The following KCNIP3 variants were observed in gnomAD, a reference collection of about 807,000 sequenced individuals.
KCNIP3 encodes potassium voltage-gated channel interacting protein 3.
A neutral mutation model predicts 35.0 loss-of-function variants in KCNIP3; 28 were observed. That is an observed-to-expected ratio of 0.80 (90% confidence interval 0.59 to 1.10). The LOEUF is 1.10. KCNIP3 is among the 50% of genes least tolerant of loss of function. The pLI is 0.00. For missense variants in KCNIP3, 295 were observed against 338.4 expected, an observed-to-expected ratio of 0.87 and a Z score of 1.01; for synonymous variants, 134 against 133.8, an observed-to-expected ratio of 1.00 and a Z score of -0.01.
intron 2 of KCNIP3, among the ~76,000 whole-genome samples, chr2:95,344,022 G>A (rs1271693069): frequency 6.6e-6 from 1 of 151,856 alleles, no homozygotes; most frequent in Non-Finnish European, 1.5e-5. Context: ...ATCACCCCAA[G>A]GACCAGTGAA....
At chr2:95,313,649 G>A (rs1407150201) in intron 2 of KCNIP3, 3 of 152,190 alleles carry the variant, frequency 2.0e-5, no homozygotes, top group Non-Finnish European at 4.4e-5. Context: ...ATGCCCACAA[G>A]GGCTGTGGGA....
chr2:95,338,754 T>C (rs1573499421), intron 2 of KCNIP3, among the ~76,000 whole-genome samples: 1 of 152,310 alleles, frequency 6.6e-6, no homozygotes, highest in Admixed American at 6.5e-5. Flanking sequence ...CAGAAGTCTC[T>C]GTCTGCCACA....
intron 5 of KCNIP3, 73 bp downstream of exon 5, chr2:95,375,281 C>T: frequency 7.5e-7 from 1 of 1,337,276 alleles, no homozygotes; most frequent in Non-Finnish European, 1.1e-6. Context: ...CCTGGCGTCA[C>T]TGTCAGGGCT....
intron 2 of KCNIP3, among the ~76,000 whole-genome samples, chr2:95,335,557 A>T (rs1240013349): frequency 6.6e-6 from 1 of 152,164 alleles, no homozygotes; most frequent in Non-Finnish European, 1.5e-5. Flanking sequence ...GACCATGCAC[A>T]TGTCAGAATC....
chr2:95,372,983 A>G (rs1680074736), intron 2 of KCNIP3, among the ~76,000 whole-genome samples: 1 of 152,182 alleles, frequency 6.6e-6, no homozygotes, highest in Admixed American at 6.6e-5. Flanking sequence ...CAAGCTCAGC[A>G]CAGGACCAGT....
chr2:95,337,302 C>T (rs1268795793), intron 2 of KCNIP3, among the ~76,000 whole-genome samples: 1 of 151,808 alleles, frequency 6.6e-6, no homozygotes, highest in Non-Finnish European at 1.5e-5. Flanking sequence ...CAGTGCCCTC[C>T]TAGAGTTGCT....
intron 6 of KCNIP3, 97 bp downstream of exon 6, chr2:95,381,800 G>A: frequency 1.2e-6 from 1 of 838,414 alleles, no homozygotes; most frequent in East Asian, 2.5e-5. Context: ...CTGCCCACCT[G>A]TCTTCTCCCG....
At chr2:95,310,211 G>A (rs775645277) in intron 1 of KCNIP3, 144 bp from the exon 2 acceptor site, 51 of 928,930 alleles carry the variant, frequency 5.5e-5, no homozygotes, top group Middle Eastern at 2.2e-4. Flanking sequence ...CCAGGACAAG[G>A]GGCACTAGGC....
chr2:95,310,612 A>G (rs758614612), intron 2 of KCNIP3, 92 bp downstream of exon 2: 5 of 1,420,472 alleles, frequency 3.5e-6, no homozygotes, highest in South Asian at 2.3e-5. Context: ...CCAGCCTGGG[A>G]CCCCAGCCTG....
chr2:95,304,494 G>A (rs1678122103), intron 1 of KCNIP3, among the ~76,000 whole-genome samples: 3 of 152,098 alleles, frequency 2.0e-5, no homozygotes, highest in South Asian at 4.1e-4. Context: ...CCTGCACCTC[G>A]TAGGTGCAGC....
intron 2 of KCNIP3, chr2:95,310,877 T>C: frequency 3.1e-6 from 1 of 327,442 alleles, no homozygotes; most frequent in South Asian, 2.9e-5. Context: ...CATTGATCCT[T>C]TCTAAGCCTT....
At position 95,384,436 on chromosome 2, in the gene KCNIP3, G is replaced by A. The variant is rs1322463432; in HGVS notation, c.*387G>A. On this transcript the variant is annotated 3_prime_UTR_variant, in exon 9 of 9. Coordinates refer to ENST00000295225, the MANE Select transcript of KCNIP3 (RefSeq NM_013434.5). ...CCAATCTCCGGTGTGAGCCCACCTC[G>A]TCCCGTTCTCCATTCTGCTTTCTTG... 6 of 255,210 alleles carry A rather than the reference G, an allele frequency of 2.4e-5. No individual in the cohort carries two copies. The highest frequency in any genetic ancestry group is 3.8e-5 in the Non-Finnish European group (5 of 131,632). The allele number at this position is 255,210 out of a possible 1,614,324, so 15.8% of individuals were successfully genotyped here. A position where few individuals can be genotyped will look rare whatever the true frequency, so the allele number is the denominator to read the frequency against.
At chr2:95,302,805 C>T (rs1002555228) in intron 1 of KCNIP3, among the ~76,000 whole-genome samples, 3 of 152,198 alleles carry the variant, frequency 2.0e-5, no homozygotes, top group African/African-American at 7.2e-5. Flanking sequence ...CACCTGCCTT[C>T]GATCTCCTGC....
chr2:95,330,832 C>T (rs1678910055), intron 2 of KCNIP3, among the ~76,000 whole-genome samples: 1 of 152,164 alleles, frequency 6.6e-6, no homozygotes, highest in Non-Finnish European at 1.5e-5. Flanking sequence ...TCTGGGGACA[C>T]AGCAGGGAAC....
At chr2:95,309,206 G>T (rs146795944) in intron 1 of KCNIP3, among the ~76,000 whole-genome samples, 1 of 152,328 alleles carries the variant, frequency 6.6e-6, no homozygotes, top group East Asian at 1.9e-4. Flanking sequence ...CCCAGCAGGT[G>T]CACAGAGGTG....
At position 95,305,637 on chromosome 2, in the gene KCNIP3, A is replaced by G. The variant is rs571611085; in HGVS notation, c.16-4718A>G. Among the ~76,000 whole-genome samples the G allele has an allele frequency of 1.4e-3, 210 of 151,980 alleles. 1 individual carries two copies. The highest frequency in any genetic ancestry group is 4.6e-3 in the African/African-American group (191 of 41,468). ...CCTCCTGCCGCCCTGTGAGAGCCACACCCCTCTCCCTCCTGCCTGCCTCCC... is the reference window on the plus strand; with the variant it reads ...CCTCCTGCCGCCCTGTGAGAGCCACGCCCCTCTCCCTCCTGCCTGCCTCCC... On this transcript the variant is annotated intron_variant, in intron 1 of 8. Coordinates refer to ENST00000295225, the MANE Select transcript of KCNIP3 (RefSeq NM_013434.5).
intron 2 of KCNIP3, among the ~76,000 whole-genome samples, chr2:95,324,229 G>C (rs1433318430): frequency 6.6e-6 from 1 of 152,232 alleles, no homozygotes; most frequent in African/African-American, 2.4e-5. Flanking sequence ...AATAACGTGA[G>C]GGCCGGGCGC....
intron 2 of KCNIP3, among the ~76,000 whole-genome samples, chr2:95,340,869 C>T (rs538316532): frequency 1.3e-5 from 2 of 152,318 alleles, no homozygotes; most frequent in African/African-American, 4.8e-5. Context: ...CCCTGGAAGC[C>T]ACCCTCTGGC....
intron 2 of KCNIP3, among the ~76,000 whole-genome samples, chr2:95,356,637 T>C (rs922104371): frequency 2.6e-5 from 4 of 152,228 alleles, no homozygotes; most frequent in Admixed American, 6.5e-5. Context: ...TTTGTCAGGT[T>C]TGTCAAAGAT....
Sources: allele counts gnomAD v4.1 joint callset (sites outside exome capture counted in the v4.1 genomes callset), GRCh38; gene constraint gnomAD v4.1.1; transcripts MANE v1.5; gene names NCBI Gene and HGNC (gene_info 2026-07-23, HGNC 2026-07-21).